The following DOC2B variants were observed in gnomAD, a reference collection of about 807,000 sequenced individuals.
The protein encoded by DOC2B is double C2-like domain-containing protein beta.
DOC2B carries 21 observed loss-of-function variants against 28.9 expected under a neutral mutation model. That is an observed-to-expected ratio of 0.73 (90% confidence interval 0.52 to 1.05). The LOEUF is 1.05. DOC2B is among the 50% of genes least tolerant of loss of function. The pLI, the probability that DOC2B is intolerant of heterozygous loss-of-function variation, is 0.00. For missense variants in DOC2B, 384 were observed against 421.1 expected (o/e 0.91, Z 0.77); for synonymous variants, 194 against 178.1 (o/e 1.09, Z -0.71).
rs2040203108 is a variant in DOC2B at position 161,492 on chromosome 17, C to G, written c.688G>C (p.Glu230Gln). 2 of 1,551,612 alleles carry G rather than the reference C, an allele frequency of 1.3e-6. No homozygotes were observed. The highest frequency in any genetic ancestry group is 1.7e-6 in the Non-Finnish European group (2 of 1,147,000). ...AGCTTCTTCAGGGGCACACGTGTCT[C>G]CCCGATGAACTCATTGTGCCGGAAT... ...DKFRHNEFIGETRVPLKKLKP... is the reference protein window; with the variant it reads ...DKFRHNEFIGQTRVPLKKLKP... Residue 230 changes from glutamate (E) to glutamine (Q), a missense_variant, in exon 5 of 9, where the codon GAG (glutamate) becomes CAG (glutamine). Physicochemically the swap from Glu to Gln is conservative, Grantham distance 29. Transcript: ENST00000613549.
Position 181,190 on chromosome 17 carries a change from C to T in DOC2B, c.290G>A (p.Ser97Asn). 1 of 1,241,680 alleles carries T rather than the reference C, an allele frequency of 8.1e-7. No individual in the cohort carries two copies. Among genetic ancestry groups the T allele is most frequent in the Non-Finnish European group, 1.0e-6 (1 of 993,376 alleles). 76.9% of individuals were successfully genotyped at this position (1,241,680 alleles called of 1,614,324 possible). ...FGAYGSSPGP[S>N]PGPSPARPPA... ...CGGCCGCGCGGGGCTGGGACCCGGG[C>T]TGGGGCCCGGGCTGGAGCCGTAGGC... Residue 97 changes from serine to asparagine, a missense_variant, in exon 1 of 9, where the codon AGC becomes AAC. Coordinates refer to ENST00000613549, the MANE Select transcript of DOC2B (RefSeq NM_003585.5). The surrounding 1 kb of genome is among the most constrained non-coding windows in gnomAD (Gnocchi z 7.0).
At position 172,619 on chromosome 17, in the gene DOC2B, G is replaced by A. The variant is rs1420353297; in HGVS notation, c.374-3C>T. 1 of 1,549,566 alleles carries A rather than the reference G, an allele frequency of 6.5e-7. No homozygotes were observed. Among genetic ancestry groups the A allele is most frequent in the Non-Finnish European group, 8.7e-7 (1 of 1,145,928 alleles). ...GAAGTCCAGCGTGCCCAGGGCAGCT[G>A]CGGACAGAGGAGGGCACAGGTCCCA... On this transcript the variant is annotated splice_region_variant and splice_polypyrimidine_tract_variant and intron_variant, in intron 1 of 8. Coordinates refer to ENST00000613549, the MANE Select transcript of DOC2B (RefSeq NM_003585.5).
intron 6 of DOC2B, among the ~76,000 whole-genome samples, chr17:154,320 G>A (rs2041652181): frequency 6.7e-6 from 1 of 149,814 alleles, no homozygotes; most frequent in African/African-American, 2.5e-5. Context: ...TCTTAGGGCT[G>A]ATATTCCACG....
chr17:164,688 C>T (rs1033791002), intron 2 of DOC2B, among the ~76,000 whole-genome samples: 4 of 152,166 alleles, frequency 2.6e-5, no homozygotes, highest in East Asian at 1.9e-4. Context: ...AGAGATCACA[C>T]AAGCAGACTG....
At chr17:170,373 G>A (rs1342819166) in intron 2 of DOC2B, among the ~76,000 whole-genome samples, 1 of 152,198 alleles carries the variant, frequency 6.6e-6, no homozygotes, top group African/African-American at 2.4e-5. Context: ...CCTACCCATG[G>A]CAGTCCACAT....
At chr17:164,345 C>T in intron 2 of DOC2B, 141 bp from the exon 3 acceptor site, 10 of 647,174 alleles carry the variant, frequency 1.5e-5, no homozygotes, top group Non-Finnish European at 2.8e-5. Flanking sequence ...CCCCACACCT[C>T]CAGATGGAGG....
At chr17:165,814 G>A (rs748711657) in intron 2 of DOC2B, among the ~76,000 whole-genome samples, 3 of 152,236 alleles carry the variant, frequency 2.0e-5, no homozygotes, top group Non-Finnish European at 2.9e-5. Context: ...GCAGAGTTCT[G>A]GGAATCTGGT....
intron 1 of DOC2B, among the ~76,000 whole-genome samples, chr17:180,434 C>A (rs1208018833): frequency 6.6e-6 from 1 of 151,928 alleles, no homozygotes; most frequent in East Asian, 2.0e-4. Context: ...GGGCCGCGGG[C>A]GTAACAGGTG....
Position 165,935 on chromosome 17 carries a change from G to A in DOC2B, c.454-1731C>T, listed in dbSNP as rs150994755. Among the ~76,000 whole-genome samples the A allele has an allele frequency of 3.8e-3, 575 of 152,306 alleles. 2 individuals are homozygous for A. The highest frequency in any genetic ancestry group is 0.013 in the African/African-American group (533 of 41,564). On this transcript the variant is annotated intron_variant, in intron 2 of 8. Coordinates refer to ENST00000613549, the MANE Select transcript of DOC2B (RefSeq NM_003585.5). ...CCATTTGGGCCACGTTTCCTGACACGTTTCACTTACAAACCTTTGGGCCAC... is the reference window on the plus strand; with the variant it reads ...CCATTTGGGCCACGTTTCCTGACACATTTCACTTACAAACCTTTGGGCCAC...
At chr17:172,000 C>T (rs1032815779) in intron 2 of DOC2B, among the ~76,000 whole-genome samples, 3 of 151,952 alleles carry the variant, frequency 2.0e-5, no homozygotes, top group East Asian at 1.9e-4. Flanking sequence ...CACCAGCGGC[C>T]GGGCCAGGCT....
chr17:165,233 G>T (rs1028222843), intron 2 of DOC2B, among the ~76,000 whole-genome samples: 4 of 152,126 alleles, frequency 2.6e-5, no homozygotes, highest in Admixed American at 2.6e-4. Flanking sequence ...GGTTGGCCGG[G>T]CACGGTGGCT....
At chr17:158,967 C>G (rs867617135) in intron 5 of DOC2B, among the ~76,000 whole-genome samples, 29 of 149,942 alleles carry the variant, frequency 1.9e-4, no homozygotes, top group African/African-American at 7.1e-4. Flanking sequence ...TCACTTGAAC[C>G]CGGGAGGCGG....
At chr17:175,366 G>A (rs1209745637) in intron 1 of DOC2B, among the ~76,000 whole-genome samples, 4 of 152,256 alleles carry the variant, frequency 2.6e-5, no homozygotes, top group Admixed American at 6.5e-5. Flanking sequence ...TCCACACCAG[G>A]CAGGTGAGGC....
In DOC2B at chr17:156,318, C is replaced by T. The variant is rs368861298; in HGVS notation, c.825G>A (p.Lys275=). The part of the protein sequence containing the change: ...EERGRILISL[K]YSSQKQGLLV... ...GCAGGCCTTGCTTCTGTGAGCTGTA[C>T]TTGAGGGAGATGAGGATGCGGCCCC... is the stretch of plus-strand genomic sequence containing the variant. The change falls in exon 6 of 9, where the codon AAG becomes AAA. Residue 275 remains lysine, a synonymous_variant. Transcript: ENST00000613549. 25 of 1,551,576 alleles carry T rather than the reference C, an allele frequency of 1.6e-5. No individual in the cohort carries two copies. The highest frequency in any genetic ancestry group is 3.9e-5 in the Admixed American group (2 of 50,982).
intron 6 of DOC2B, among the ~76,000 whole-genome samples, chr17:151,092 G>A (rs902325681): frequency 4.6e-5 from 7 of 152,070 alleles, no homozygotes; most frequent in Non-Finnish European, 8.8e-5. Flanking sequence ...GTGATACAGC[G>A]AGACCCCATC....
intron 1 of DOC2B, among the ~76,000 whole-genome samples, chr17:175,735 G>C (rs2040362642): frequency 6.6e-6 from 1 of 152,228 alleles, no homozygotes; most frequent in African/African-American, 2.4e-5. Flanking sequence ...CCCAACCCCA[G>C]AGAAGGACAG....
At position 181,038 on chromosome 17, in the gene DOC2B, C is replaced by T; in HGVS notation, c.373+69G>A. The T allele has an allele frequency of 8.4e-7, 1 of 1,186,800 alleles. No individual in the cohort carries two copies. The highest frequency in any genetic ancestry group is 1.1e-6 in the Non-Finnish European group (1 of 951,492). 73.5% of individuals were successfully genotyped at this position (1,186,800 alleles called of 1,614,324 possible). A position where few individuals can be genotyped will look rare whatever the true frequency, so the allele number is the denominator to read the frequency against. Reference sequence around the variant, plus strand: ...GCGAGGGGGACCGGCGGAGGGAAGCCGCGAGGCCGTGGGGGGGCCGAGCCC... The same window carrying T: ...GCGAGGGGGACCGGCGGAGGGAAGCTGCGAGGCCGTGGGGGGGCCGAGCCC... On this transcript the variant is annotated intron_variant, in intron 1 of 8. Coordinates refer to ENST00000613549, the MANE Select transcript of DOC2B (RefSeq NM_003585.5). The surrounding 1 kb of genome is among the most constrained non-coding windows in gnomAD (Gnocchi z 7.0).
intron 1 of DOC2B, among the ~76,000 whole-genome samples, chr17:177,516 ACCTCCTCCCT>A (rs1267861523): frequency 1.3e-5 from 2 of 151,718 alleles, no homozygotes; most frequent in Admixed American, 1.3e-4. Context: ...CTGTCAGCCC[ACCTCCTCCCT>A]CCTCCCAGTC....
chr17:160,278 G>A (rs2040186258), intron 5 of DOC2B, among the ~76,000 whole-genome samples: 1 of 152,140 alleles, frequency 6.6e-6, no homozygotes, highest in African/African-American at 2.4e-5. Flanking sequence ...AGACCATGTG[G>A]AAAAACCGGG....
Sources: allele counts gnomAD v4.1 joint callset (sites outside exome capture counted in the v4.1 genomes callset), GRCh38; gene constraint gnomAD v4.1.1; non-coding constraint Gnocchi (gnomAD v3.1); transcripts MANE v1.5; gene names NCBI Gene and HGNC (gene_info 2026-07-23, HGNC 2026-07-21).